The following SRGAP3 variants were observed in gnomAD, a reference collection of about 807,000 sequenced individuals.
SRGAP3 encodes the protein SLIT-ROBO Rho GTPase-activating protein 3.
Under a neutral mutation model 121.1 loss-of-function variants are expected in SRGAP3, and 39 were observed. The ratio of observed to expected loss-of-function variants is 0.32; its 90% CI spans 0.25 to 0.42. The LOEUF (loss-of-function observed/expected upper bound fraction) is 0.42. Among genes scored for constraint, SRGAP3 ranks in the 10% least tolerant of loss-of-function variants. The pLI is 1.00. For synonymous variants in SRGAP3, 601 were observed against 570.0 expected, an observed-to-expected ratio of 1.05 and a Z score of -0.77; for missense variants, 1,213 against 1,470.6, an observed-to-expected ratio of 0.82 and a Z score of 2.86.
At chr3:9,089,296 G>C (rs991358167) in intron 3 of SRGAP3, among the ~76,000 whole-genome samples, 5 of 81,376 alleles carry the variant, frequency 6.1e-5, no homozygotes, top group East Asian at 9.4e-4. Flanking sequence ...GGTGGGCGGG[G>C]GGGGGGGGGG....
chr3:9,329,418 C>T (rs1372501399), intron 2 of SRGAP3, among the ~76,000 whole-genome samples: 2 of 152,094 alleles, frequency 1.3e-5, no homozygotes, highest in Non-Finnish European at 2.9e-5. Context: ...TTTGTTCTGG[C>T]CATAGCAAAA....
At chr3:9,318,491 G>A (rs1485409991) in intron 3 of SRGAP3, among the ~76,000 whole-genome samples, 1 of 151,822 alleles carries the variant, frequency 6.6e-6, no homozygotes, top group African/African-American at 2.4e-5. Context: ...TTGCTAGTCT[G>A]AGGGGGACTC....
intron 3 of SRGAP3, among the ~76,000 whole-genome samples, chr3:9,291,498 T>C (rs1261776632): frequency 1.3e-5 from 2 of 152,108 alleles, no homozygotes. Context: ...CTTTTTTCCT[T>C]GCTCTTGTAT....
Position 9,013,396 on chromosome 3 carries a change from T to C in SRGAP3, c.2059A>G (p.Ile687Val), listed in dbSNP as rs1490377987. 3 of 1,613,952 alleles carry C rather than the reference T, an allele frequency of 1.9e-6. No homozygotes were observed. The highest frequency in any genetic ancestry group is 1.7e-5 in the Admixed American group (1 of 59,994). The change falls in exon 17 of 22, where the codon ATC (isoleucine) becomes GTC (valine). Residue 687 changes from isoleucine (I) to valine (V), a missense_variant. Transcript: ENST00000383836. ...GGGAAGATGGCTTCATGATGGATGA[T>C]GATGGTTTTGATGACTTCATTGATG... ...AHINEVIKTIIIHHEAIFPSP... is the reference protein window; with the variant it reads ...AHINEVIKTIVIHHEAIFPSP...
At position 9,013,267 on chromosome 3, in the gene SRGAP3, C is replaced by T. The variant is rs773232818; in HGVS notation, c.2147+41G>A. On this transcript the variant is annotated intron_variant, in intron 17 of 21. Coordinates refer to ENST00000383836, the MANE Select transcript of SRGAP3 (RefSeq NM_014850.4). ...TATTGTTCCTATTCAATGGCAATAACAATGACGATGATAATAATATTAAGA... is the reference window on the plus strand; with the variant it reads ...TATTGTTCCTATTCAATGGCAATAATAATGACGATGATAATAATATTAAGA... 3.2e-6 allele frequency: 5 copies of T among 1,585,974 alleles called. No individual in the cohort carries two copies. The Admixed American group carries it at 6.7e-5, about 21-fold the overall frequency.
chr3:9,297,132 C>T (rs1954966170), intron 3 of SRGAP3, among the ~76,000 whole-genome samples: 1 of 152,136 alleles, frequency 6.6e-6, no homozygotes, highest in Non-Finnish European at 1.5e-5. Context: ...CAAATCCCTG[C>T]TGCCTTTCAC....
At chr3:9,214,166 A>T (rs1952541164) in intron 1 of SRGAP3, among the ~76,000 whole-genome samples, 1 of 151,968 alleles carries the variant, frequency 6.6e-6, no homozygotes. Context: ...ACAAGAATAT[A>T]AGCTCATTTC....
At chr3:9,000,522 T>C (rs566990) in intron 18 of SRGAP3, among the ~76,000 whole-genome samples, 85,486 of 152,074 alleles carry the variant, frequency 0.56, 24,306 homozygotes, top group South Asian at 0.67. Context: ...CCCAAAGGAA[T>C]TGACTTCAGT....
intron 1 of SRGAP3, among the ~76,000 whole-genome samples, chr3:9,173,090 A>G (rs1951046555): frequency 2.0e-5 from 3 of 152,214 alleles, no homozygotes; most frequent in Non-Finnish European, 2.9e-5. Context: ...GGCCTGGCGC[A>G]GTGATGCTGC....
rs112769700 is a variant in SRGAP3, at chr3:9,283,666, T to C, written n.442+42344A>G. Among the ~76,000 whole-genome samples, 74 of 152,230 alleles carry C rather than the reference T, an allele frequency of 4.9e-4. 1 individual carries two copies. Among genetic ancestry groups the C allele is most frequent in the African/African-American group, 1.6e-3 (68 of 41,520 alleles). ...TGCTAAATACCCAAGCTAGAGCAATTACGGTCTTTGTTAAAAGATAATTTT... is the reference window on the plus strand; with the variant it reads ...TGCTAAATACCCAAGCTAGAGCAATCACGGTCTTTGTTAAAAGATAATTTT... On this transcript the variant is annotated intron_variant and non_coding_transcript_variant, in intron 3 of 3. Coordinates refer to the SRGAP3 transcript ENST00000490889.
chr3:9,362,541 A>T (rs574646698), intron 1 of SRGAP3, among the ~76,000 whole-genome samples: 2 of 152,010 alleles, frequency 1.3e-5, no homozygotes, highest in African/African-American at 4.8e-5. Flanking sequence ...GCACTTTAGG[A>T]GGGCTAGACA....
chr3:9,056,173 C>T, intron 8 of SRGAP3, 60 bp downstream of exon 8: 1 of 1,542,398 alleles, frequency 6.5e-7, no homozygotes, highest in Admixed American at 1.7e-5. Flanking sequence ...CAAGTGGACT[C>T]CCTGGGACAA....
intron 1 of SRGAP3, among the ~76,000 whole-genome samples, chr3:9,233,419 A>T (rs1026566332): frequency 1.3e-5 from 2 of 152,206 alleles, no homozygotes; most frequent in African/African-American, 4.8e-5. Flanking sequence ...AATCTTCTTC[A>T]GCTGATTCCT....
chr3:9,173,615 A>G (rs1316973370), intron 1 of SRGAP3, among the ~76,000 whole-genome samples: 1 of 152,038 alleles, frequency 6.6e-6, no homozygotes, highest in Non-Finnish European at 1.5e-5. Context: ...CTAAGCATCA[A>G]TCCCTCCAAC....
At chr3:9,232,026 GA>G (rs1164474317) in intron 1 of SRGAP3, among the ~76,000 whole-genome samples, 2 of 152,134 alleles carry the variant, frequency 1.3e-5, no homozygotes, top group Non-Finnish European at 2.9e-5. Flanking sequence ...AGGTTAAGCT[GA>G]ACTTTTCCAC....
At chr3:9,141,427 T>G (rs1166126754) in intron 1 of SRGAP3, among the ~76,000 whole-genome samples, 2 of 149,550 alleles carry the variant, frequency 1.3e-5, no homozygotes, top group African/African-American at 4.8e-5. Flanking sequence ...TACATCAGGC[T>G]GAGTGATTTA....
chr3:9,200,520 G>A (rs1041625511), intron 1 of SRGAP3, among the ~76,000 whole-genome samples: 4 of 152,170 alleles, frequency 2.6e-5, no homozygotes, highest in African/African-American at 9.7e-5. Flanking sequence ...GAAGCAATAA[G>A]GAGAAAGCAA....
chr3:8,982,879 ACT>A lies in SRGAP3; in HGVS notation c.*2638_*2639del. 4.4e-6 allele frequency: 1 copy of A among 229,150 alleles called. No individual in the cohort carries two copies. Among genetic ancestry groups the A allele is most frequent in the Non-Finnish European group, 8.6e-6 (1 of 115,620 alleles). The allele number at this position is 229,150 out of a possible 1,614,324, so 14.2% of individuals were successfully genotyped here. On this transcript the variant is annotated 3_prime_UTR_variant, in exon 22 of 22. Transcript: ENST00000383836. ...AAGGTGCTTAAAGAAAACAGCTAAG[ACT>A]CTGCCCTCAGAAAATTCAGTGAAAG...
chr3:9,259,328 G>C (rs1954203960), intron 3 of SRGAP3, among the ~76,000 whole-genome samples: 1 of 152,038 alleles, frequency 6.6e-6, no homozygotes, highest in South Asian at 2.1e-4. Context: ...ACCCAGGCTA[G>C]AGTGAAATGA....
Sources: allele counts gnomAD v4.1 joint callset (sites outside exome capture counted in the v4.1 genomes callset), GRCh38; gene constraint gnomAD v4.1.1; transcripts MANE v1.5; gene names NCBI Gene and HGNC (gene_info 2026-07-23, HGNC 2026-07-21).